Variants in ITGB2 observed in about 807,000 individuals in gnomAD.
ITGB2 encodes integrin subunit beta 2, also known as integrin beta-2.
In ITGB2, 56 loss-of-function variants were observed where a neutral mutation model predicts 86.8. That is an observed-to-expected ratio of 0.65 (90% confidence interval 0.52 to 0.81). ITGB2 has a LOEUF of 0.81. Ranked by LOEUF, ITGB2 falls within the 30% of genes least tolerant of loss-of-function variation. The probability of loss-of-function intolerance (pLI) is 0.00; values close to 1 mark genes in which losing one functional copy is unlikely to be tolerated. For missense variants in ITGB2, 948 were observed against 1,061.2 expected, an observed-to-expected ratio of 0.89 and a Z score of 1.48; for synonymous variants, 457 against 450.4, an observed-to-expected ratio of 1.01 and a Z score of -0.19.
At chr21:44,888,058 G>T (rs1037757030) in intron 14 of ITGB2, among the ~76,000 whole-genome samples, 5 of 152,220 alleles carry the variant, frequency 3.3e-5, no homozygotes, top group African/African-American at 1.2e-4. Flanking sequence ...CGTGGGGCTG[G>T]GCCTGGTTCC....
intron 5 of ITGB2, among the ~76,000 whole-genome samples, chr21:44,902,406 TG>T (rs1279088249): frequency 6.6e-6 from 1 of 151,348 alleles, no homozygotes; most frequent in Non-Finnish European, 1.5e-5. Context: ...CATTTGTGCA[TG>T]TGAGCATACA....
intron 6 of ITGB2, 59 bp from the exon 7 acceptor site, chr21:44,900,534 T>C: frequency 6.2e-7 from 1 of 1,604,104 alleles, no homozygotes; most frequent in South Asian, 1.1e-5. Context: ...CCCGGCCCTC[T>C]GGAGCAGAGG....
At chr21:44,903,300 C>T in intron 5 of ITGB2, 65 bp downstream of exon 5, 1 of 1,597,382 alleles carries the variant, frequency 6.3e-7, no homozygotes, top group East Asian at 2.2e-5. Context: ...TTGTGTGGGC[C>T]ACAGGCAGGA....
chr21:44,908,920 A>T (rs760459), intron 3 of ITGB2, among the ~76,000 whole-genome samples: 119,068 of 152,086 alleles, frequency 0.78, 46,746 homozygotes, highest in South Asian at 0.9. Flanking sequence ...GATTTGAGCA[A>T]CTCGGGGAAG....
intron 1 of ITGB2, among the ~76,000 whole-genome samples, chr21:44,918,838 C>T (rs2084249214): frequency 6.6e-6 from 1 of 152,176 alleles, no homozygotes; most frequent in South Asian, 2.1e-4. Flanking sequence ...GGATCTCATG[C>T]CAGCCCCTGC....
chr21:44,900,233 G>T (rs1162680487), intron 7 of ITGB2, 87 bp downstream of exon 7: 1 of 1,534,438 alleles, frequency 6.5e-7, no homozygotes, highest in Non-Finnish European at 9.0e-7. Context: ...TCAGAAGGAG[G>T]CTCTGTCAGG....
chr21:44,916,122 C>A (rs1388914708), intron 1 of ITGB2, among the ~76,000 whole-genome samples: 1 of 152,058 alleles, frequency 6.6e-6, no homozygotes, highest in Non-Finnish European at 1.5e-5. Context: ...GGAGTTTCAC[C>A]ATATTGGCCA....
chr21:44,910,600 C>G (rs886708335), intron 2 of ITGB2, 125 bp downstream of exon 2: 2 of 1,382,170 alleles, frequency 1.4e-6, no homozygotes, highest in African/African-American at 2.8e-5. Flanking sequence ...CCCGACCTAC[C>G]CCCAGTGGCA....
intron 1 of ITGB2, among the ~76,000 whole-genome samples, chr21:44,920,196 C>T (rs925019271): frequency 6.6e-6 from 1 of 152,154 alleles, no homozygotes; most frequent in Admixed American, 6.5e-5. Context: ...GTACATACAA[C>T]AGACTCCCCA....
chr21:44,918,538 C>T (rs1397605142), intron 1 of ITGB2, among the ~76,000 whole-genome samples: 16 of 152,210 alleles, frequency 1.1e-4, no homozygotes, highest in Non-Finnish European at 1.9e-4. Context: ...GAAACTGAGT[C>T]ACGGGGGACC....
Position 44,891,883 on chromosome 21 carries a change from C to G in ITGB2, c.1338G>C (p.Glu446Asp). 6.2e-7 allele frequency: 1 copy of G among 1,612,906 alleles called. No individual in the cohort carries two copies. Among genetic ancestry groups the G allele is most frequent in the Non-Finnish European group, 8.5e-7 (1 of 1,179,992 alleles). The change falls in exon 11 of 16, where the codon GAG (glutamate) becomes GAC (aspartate). Residue 446 changes from glutamate to aspartate, a missense_variant. Physicochemically the swap from Glu to Asp is conservative, Grantham distance 45 (BLOSUM62 2). Transcript: ENST00000652462. ...IVTVQVLPQC[E>D]CRCRDQSRDR... Reference sequence around the variant, plus strand: ...CTCTGCTCTGGTCCCGGCACCGGCACTCACACTGGGGAAGAACCTGCACGG... The same window carrying G: ...CTCTGCTCTGGTCCCGGCACCGGCAGTCACACTGGGGAAGAACCTGCACGG...
rs150333398 is a variant in ITGB2 at position 44,913,329 on chromosome 21, T to G, written c.-3-2544A>C. Reference sequence around the variant, plus strand: ...TCGTGACCAGTGGCATGCAAACACTTCATACCCTCAAATGGGGAAACTGAG... The same window carrying G: ...TCGTGACCAGTGGCATGCAAACACTGCATACCCTCAAATGGGGAAACTGAG... On this transcript the variant is annotated intron_variant, in intron 1 of 15. Coordinates refer to ENST00000652462, the MANE Select transcript of ITGB2 (RefSeq NM_000211.5). Among the ~76,000 whole-genome samples the G allele has an allele frequency of 6.2e-3, 942 of 152,194 alleles. 42 individuals are homozygous for G. The highest frequency in any genetic ancestry group is 0.057 in the Admixed American group (865 of 15,304).
At chr21:44,918,772 G>C (rs2084248422) in intron 1 of ITGB2, among the ~76,000 whole-genome samples, 1 of 152,226 alleles carries the variant, frequency 6.6e-6, no homozygotes, top group Non-Finnish European at 1.5e-5. Flanking sequence ...TTACCACCCT[G>C]TGGTTCAGGT....
Position 44,886,383 on chromosome 21 carries a change from C to G in ITGB2, c.2295G>C (p.Lys765Asn), listed in dbSNP as rs750477817. ...KSATTTVMNP[K>N]FAES The stretch of plus-strand genomic sequence containing the variant: ...CCAAGTGCTCCTAACTCTCAGCAAA[C>G]TTGGGGTTCATGACCGTCGTGGTGG... The change falls in exon 16 of 16, where the codon AAG becomes AAC. Residue 765 changes from lysine (K) to asparagine (N), a missense_variant. Physicochemically the swap from Lys to Asn is moderately conservative, Grantham distance 94. Coordinates refer to ENST00000652462, the MANE Select transcript of ITGB2 (RefSeq NM_000211.5). 3.7e-6 allele frequency: 6 copies of G among 1,614,120 alleles called. No individual in the cohort carries two copies. Among genetic ancestry groups the G allele is most frequent in the Admixed American group, 3.3e-5 (2 of 60,024 alleles).
chr21:44,924,196 G>A (rs1227822680), upstream of ITGB2, among the ~76,000 whole-genome samples: 1 of 152,066 alleles, frequency 6.6e-6, no homozygotes, highest in African/African-American at 2.4e-5. Context: ...TTGGGAGGCT[G>A]ATGTGAGCGG....
chr21:44,914,443 G>A (rs1265647573), intron 1 of ITGB2, among the ~76,000 whole-genome samples: 4 of 152,158 alleles, frequency 2.6e-5, no homozygotes, highest in South Asian at 2.1e-4. Flanking sequence ...CTCAGGGGCC[G>A]GGCGCCCTTC....
chr21:44,924,788 G>T (rs1036593722), upstream of ITGB2, among the ~76,000 whole-genome samples: 1 of 152,178 alleles, frequency 6.6e-6, no homozygotes, highest in African/African-American at 2.4e-5. Flanking sequence ...AAGAGCCCTT[G>T]AAGTGCTGCT....
rs555199980 is a variant in ITGB2, at chr21:44,927,928, G to A, written c.-4+726C>T. 5.5e-4 allele frequency: 84 copies of A among 152,492 alleles called. 1 individual carries two copies. In the East Asian group the frequency reaches 0.011, roughly 19 times the overall value. The allele number at this position is 152,492 out of a possible 1,614,324, so 9.4% of individuals were successfully genotyped here. On this transcript the variant is annotated intron_variant, in intron 1 of 15. Coordinates refer to the ITGB2 transcript ENST00000355153. ...GGGTGCAATGCAGAAATGGAGATCT[G>A]CCCCGGGGAAGGCAGGTGAGTGTAG...
At chr21:44,912,291 G>A (rs1444228883) in intron 1 of ITGB2, among the ~76,000 whole-genome samples, 1 of 152,126 alleles carries the variant, frequency 6.6e-6, no homozygotes, top group African/African-American at 2.4e-5. Flanking sequence ...TGTGGCCCGG[G>A]AGGCTCGGGT....
Sources: gnomAD v4.1 joint callset for allele counts (sites outside exome capture counted in the v4.1 genomes callset) on GRCh38, gnomAD v4.1.1 for gene constraint, MANE v1.5 for transcripts, NCBI Gene and HGNC (gene_info 2026-07-23, HGNC 2026-07-21) for gene names.